Variants in ABHD16A observed in about 807,000 individuals in gnomAD.
The protein encoded by ABHD16A is abhydrolase domain containing 16A, phospholipase, also known as phosphatidylserine lipase ABHD16A.
Under a neutral mutation model 89.8 loss-of-function variants are expected in ABHD16A, and 47 were observed. That is an observed-to-expected ratio of 0.52 (90% CI 0.41 to 0.67). ABHD16A has a LOEUF of 0.67. Among genes scored for constraint, ABHD16A ranks in the 30% least tolerant of loss-of-function variants. ABHD16A has a pLI of 0.00. For synonymous variants in ABHD16A, 251 were observed against 280.4 expected (o/e 0.90, Z 1.05); for missense variants, 580 against 734.6 (o/e 0.79, Z 2.43).
rs35205600 is a variant in ABHD16A, at chr6:31,694,057, C to CTTT, written c.430-628_430-626dup. Among the ~76,000 whole-genome samples the CTTT allele has an allele frequency of 8.6e-3, 1,221 of 142,764 alleles. 7 individuals carry two copies. Among genetic ancestry groups the CTTT allele is most frequent in the South Asian group, 0.034 (154 of 4,466 alleles). 93.7% of individuals were successfully genotyped at this position (142,764 alleles called of 152,430 possible). A position where few individuals can be genotyped will look rare whatever the true frequency, so the allele number is the denominator to read the frequency against. ...CACCCCACTGAGCCAGTCCACATGC[C>CTTT]TTTTTTTTTTTTTTTGAGGCAGGGT... On this transcript the variant is annotated intron_variant, in intron 5 of 19. Coordinates refer to ENST00000395952, the MANE Select transcript of ABHD16A (RefSeq NM_021160.3).
intron 4 of ABHD16A, 45 bp from the exon 5 acceptor site, chr6:31,697,078 C>G (rs752190305): frequency 6.4e-7 from 1 of 1,553,016 alleles, no homozygotes; most frequent in African/African-American, 1.4e-5. Flanking sequence ...AACTGGGAAG[C>G]AGAAAGCCTA....
intron 4 of ABHD16A, among the ~76,000 whole-genome samples, chr6:31,699,968 G>C (rs1297675457): frequency 6.6e-6 from 1 of 151,746 alleles, no homozygotes; most frequent in African/African-American, 2.4e-5. Flanking sequence ...GACTGGTCTT[G>C]AACTCCTGAC....
chr6:31,687,678 GGTAGGAGCGGA>G lies in ABHD16A; in HGVS notation c.1499_1509del (p.Leu500ProfsTer37), dbSNP rs1315362919. 1.9e-6 allele frequency: 3 copies of G among 1,612,758 alleles called. No individual in the cohort carries two copies. In the Admixed American group the frequency reaches 5.0e-5, roughly 27 times the overall value. On this transcript the variant is annotated frameshift_variant, in exon 18 of 20. Coordinates refer to ENST00000395952, the MANE Select transcript of ABHD16A (RefSeq NM_021160.3). LOFTEE classifies it high-confidence loss of function. The surrounding 1 kb of genome is among the most constrained non-coding windows in gnomAD (Gnocchi z 6.3). Reference sequence around the variant, plus strand: ...GGGAAGTCGGGCCCGTGTTCTGCCTGGTAGGAGCGGAGGACAGACAGACACCAGTCCTCTTC... The same window carrying G: ...GGGAAGTCGGGCCCGTGTTCTGCCTGGGACAGACAGACACCAGTCCTCTTC...
chr6:31,703,243 G>C lies in ABHD16A; in HGVS notation c.39C>G (p.Leu13=), dbSNP rs1805206073. ...AGTCCCTCTCCCGGTAGATTTTGTA[G>C]AGCCGGGGGCCTAGGACGCAGCTCA... ...KLLSCVLGPR[L]YKIYRERDSE... Residue 13 remains leucine (L), a synonymous_variant, in exon 1 of 20, where the codon CTC becomes CTG. Transcript: ENST00000395952. 4.2e-6 allele frequency: 6 copies of C among 1,436,316 alleles called. No individual in the cohort carries two copies. The highest frequency in any genetic ancestry group is 2.1e-4 in the Middle Eastern group (1 of 4,660). The allele number at this position is 1,436,316 out of a possible 1,614,324, so 89.0% of individuals were successfully genotyped here.
At chr6:31,699,895 C>A (rs760707437) in intron 4 of ABHD16A, among the ~76,000 whole-genome samples, 1 of 152,050 alleles carries the variant, frequency 6.6e-6, no homozygotes, top group Non-Finnish European at 1.5e-5. Flanking sequence ...AGGTGCTCAC[C>A]ACCATACCTG....
intron 12 of ABHD16A, 56 bp from the exon 13 acceptor site, chr6:31,689,175 C>A: frequency 6.7e-7 from 1 of 1,495,796 alleles, no homozygotes; most frequent in South Asian, 1.2e-5. Flanking sequence ...TTTCTCCCCA[C>A]CACCCATGCT....
chr6:31,688,727 A>G lies in ABHD16A; in HGVS notation c.1246T>C (p.Cys416Arg). Reference protein sequence around the residue: ...HLNLNNAEQLCRYQGPVLLIR... With the variant: ...HLNLNNAEQLRRYQGPVLLIR... Reference sequence around the variant, plus strand: ...CGGACGCTGGCCGGCCCTCACCTGCACAGCTGCTCCGCGTTGTTTAGATTG... The same window carrying G: ...CGGACGCTGGCCGGCCCTCACCTGCGCAGCTGCTCCGCGTTGTTTAGATTG... Residue 416 changes from cysteine to arginine, a missense_variant, in exon 14 of 20, where the codon TGC becomes CGC. Physicochemically the swap from Cys to Arg is radical, Grantham distance 180. Transcript: ENST00000395952. The surrounding 1 kb of genome is among the most constrained non-coding windows in gnomAD (Gnocchi z 4.9). The G allele has an allele frequency of 6.2e-7, 1 of 1,613,000 alleles. No individual in the cohort carries two copies. The highest frequency in any genetic ancestry group is 1.1e-5 in the South Asian group (1 of 91,076).
chr6:31,702,738 G>A (rs556875744), intron 1 of ABHD16A: 493 of 1,538,828 alleles, frequency 3.2e-4, no homozygotes, highest in South Asian at 5.3e-4. Context: ...CGAGGGTAAA[G>A]GGAAGATAAA....
At chr6:31,699,909 A>C (rs1217468653) in intron 4 of ABHD16A, among the ~76,000 whole-genome samples, 3 of 151,850 alleles carry the variant, frequency 2.0e-5, no homozygotes, top group Admixed American at 1.3e-4. Flanking sequence ...ATACCTGGCT[A>C]ATTTTTTTTT....
rs189527662 is a variant in ABHD16A, at chr6:31,690,509, G to A, written c.907+30C>T. 4.7e-5 allele frequency: 75 copies of A among 1,610,496 alleles called. No homozygotes were observed. In the East Asian group the frequency reaches 6.2e-4, roughly 13 times the overall value. On this transcript the variant is annotated intron_variant, in intron 10 of 19. Coordinates refer to ENST00000395952, the MANE Select transcript of ABHD16A (RefSeq NM_021160.3). This position sits in a 1 kb window ranked among gnomAD's most constrained non-coding sequence, Gnocchi z 4.1. The stretch of plus-strand genomic sequence containing the variant: ...GCAGGGACATTCCCTTTCAAAGGGC[G>A]GAGATAAGGAGGCTGAGTCACCGTC...
In ABHD16A at chr6:31,687,802, G is replaced by C; in HGVS notation, c.1447+22C>G. 1 of 1,612,940 alleles carries C rather than the reference G, an allele frequency of 6.2e-7. No homozygotes were observed. Among genetic ancestry groups the C allele is most frequent in the Non-Finnish European group, 8.5e-7 (1 of 1,179,978 alleles). On this transcript the variant is annotated intron_variant, in intron 17 of 19. Coordinates refer to ENST00000395952, the MANE Select transcript of ABHD16A (RefSeq NM_021160.3). This position sits in a 1 kb window ranked among gnomAD's most constrained non-coding sequence, Gnocchi z 6.3. ...TGACCTTGCTGGGCCCCCGCCCCAA[G>C]CCTCACTGGATCCCTTCTCACCTTC...
chr6:31,689,256 T>G, intron 12 of ABHD16A, 137 bp from the exon 13 acceptor site: 1 of 841,682 alleles, frequency 1.2e-6, no homozygotes, highest in Non-Finnish European at 1.8e-6. Flanking sequence ...TTAACCTACT[T>G]CACTTGGTTA....
At position 31,696,942 on chromosome 6, in the gene ABHD16A, T is replaced by G; in HGVS notation, c.429+6A>C. 6.2e-7 allele frequency: 1 copy of G among 1,612,312 alleles called. No homozygotes were observed. The highest frequency in any genetic ancestry group is 1.1e-5 in the South Asian group (1 of 91,070). ...CCTGTGTGGCACTTTTCCTAGGGCC[T>G]CTCACCTTGTTTTCTGAAGACTGGT... On this transcript the variant is annotated splice_donor_region_variant and intron_variant, in intron 5 of 19. Coordinates refer to ENST00000395952, the MANE Select transcript of ABHD16A (RefSeq NM_021160.3).
At position 31,688,666 on chromosome 6, in the gene ABHD16A, C is replaced by A; in HGVS notation, c.1250+57G>T. 1 of 1,593,834 alleles carries A rather than the reference C, an allele frequency of 6.3e-7. No homozygotes were observed. Among genetic ancestry groups the A allele is most frequent in the African/African-American group, 1.3e-5 (1 of 74,474 alleles). ...TAGTACTAGTTTCAGGGTTTGAGCGCCCAGCAGAGCTGTATGGGGGGCAGG... is the reference window on the plus strand; with the variant it reads ...TAGTACTAGTTTCAGGGTTTGAGCGACCAGCAGAGCTGTATGGGGGGCAGG... On this transcript the variant is annotated intron_variant, in intron 14 of 19. Transcript: ENST00000395952. This position sits in a 1 kb window ranked among gnomAD's most constrained non-coding sequence, Gnocchi z 4.9.
At position 31,690,579 on chromosome 6, in the gene ABHD16A, A is replaced by G; in HGVS notation, c.867T>C (p.Ala289=). ...QKLVICCEGN[A]GFYEVGCVST... is the part of the protein sequence containing the mutation. ...AGACGCAGCCCACCTCATAAAACCC[A>G]GCATTCCCCTCACAGCAGATCACCT... is the stretch of plus-strand genomic sequence containing the variant. Residue 289 remains alanine, a synonymous_variant, in exon 10 of 20, where the codon GCT becomes GCC. Transcript: ENST00000395952. The surrounding 1 kb of genome is among the most constrained non-coding windows in gnomAD (Gnocchi z 4.1). The G allele has an allele frequency of 6.2e-7, 1 of 1,613,030 alleles. No homozygotes were observed. Among genetic ancestry groups the G allele is most frequent in the Non-Finnish European group, 8.5e-7 (1 of 1,179,994 alleles).
Position 31,693,504 on chromosome 6 carries a change from C to T in ABHD16A, c.430-72G>A. 1 of 1,424,664 alleles carries T rather than the reference C, an allele frequency of 7.0e-7. No individual in the cohort carries two copies. 88.3% of individuals were successfully genotyped at this position (1,424,664 alleles called of 1,614,324 possible). On this transcript the variant is annotated intron_variant, in intron 5 of 19. Coordinates refer to ENST00000395952, the MANE Select transcript of ABHD16A (RefSeq NM_021160.3). This position sits in a 1 kb window ranked among gnomAD's most constrained non-coding sequence, Gnocchi z 5.0. ...GCTCTCCTACCCACCCTCAACAACA[C>T]CTTCGTTATCCAGGGGTCTGATCCC...
Position 31,693,491 on chromosome 6 carries a change from AC to A in ABHD16A, c.430-60del. On this transcript the variant is annotated intron_variant, in intron 5 of 19. Transcript: ENST00000395952. This position sits in a 1 kb window ranked among gnomAD's most constrained non-coding sequence, Gnocchi z 5.0. Reference sequence around the variant, plus strand: ...GAACTCAGGGGAGGCTCTCCTACCCACCCTCAACAACACCTTCGTTATCCAG... The same window carrying A: ...GAACTCAGGGGAGGCTCTCCTACCCACCTCAACAACACCTTCGTTATCCAG... The A allele has an allele frequency of 6.6e-7, 1 of 1,507,066 alleles. No individual in the cohort carries two copies. 93.4% of individuals were successfully genotyped at this position (1,507,066 alleles called of 1,614,324 possible).
chr6:31,702,106 G>A lies in ABHD16A; in HGVS notation c.157C>T (p.Leu53=). ...SWDTYYQPRA[L]EKHADSILAL... ...AGGATGCTGTCAGCATGTTTCTCCA[G>A]GGCACGGGGCTGATAGTACGTATCC... Residue 53 remains leucine (L), a synonymous_variant, in exon 2 of 20, where the codon CTG becomes TTG. Coordinates refer to ENST00000395952, the MANE Select transcript of ABHD16A (RefSeq NM_021160.3). 1 of 1,613,094 alleles carries A rather than the reference G, an allele frequency of 6.2e-7. No homozygotes were observed. Among genetic ancestry groups the A allele is most frequent in the Non-Finnish European group, 8.5e-7 (1 of 1,180,038 alleles).
rs762241787 is a variant in ABHD16A, at chr6:31,693,084, C to G, written c.569G>C (p.Arg190Pro). The G allele has an allele frequency of 6.2e-7, 1 of 1,614,170 alleles. No homozygotes were observed. The change falls in exon 7 of 20, where the codon CGG becomes CCG. Residue 190 changes from arginine (R) to proline (P), a missense_variant. Physicochemically the swap from Arg to Pro is moderately radical, Grantham distance 103. This residue lies in a region of ABHD16A where 415 missense variants were observed against 568.8 expected (regional missense o/e 0.73). Transcript: ENST00000395952. The surrounding 1 kb of genome is among the most constrained non-coding windows in gnomAD (Gnocchi z 5.0). ...GTTGAGGAGGGTGTCTGCTGTCCCC[C>G]GGTGCAGGGGCTCTGGGCGAAGCAG... ...VALLRPEPLHRGTADTLLNRV... is the reference protein window; with the variant it reads ...VALLRPEPLHPGTADTLLNRV...
Sources: allele counts gnomAD v4.1 joint callset (sites outside exome capture counted in the v4.1 genomes callset), GRCh38; gene constraint gnomAD v4.1.1; regional missense constraint gnomAD v4.1.1; non-coding constraint Gnocchi (gnomAD v3.1); transcripts MANE v1.5; gene names NCBI Gene and HGNC (gene_info 2026-07-23, HGNC 2026-07-21).